Variants in PTPN2 observed in about 807,000 individuals in gnomAD.
PTPN2 encodes tyrosine-protein phosphatase non-receptor type 2.
Under a neutral mutation model 57.3 loss-of-function variants are expected in PTPN2, and 19 were observed. That is an observed-to-expected ratio of 0.33 (90% confidence interval 0.23 to 0.49). The LOEUF (loss-of-function observed/expected upper bound fraction) is 0.49. Ranked by LOEUF, PTPN2 falls within the 20% of genes least tolerant of loss-of-function variation. The pLI, the probability that PTPN2 is intolerant of heterozygous loss-of-function variation, is 0.99. For missense variants in PTPN2, 358 were observed against 501.1 expected (o/e 0.71, Z 2.73); for synonymous variants, 153 against 164.9 (o/e 0.93, Z 0.55).
intron 1 of PTPN2, among the ~76,000 whole-genome samples, chr18:12,870,435 ATATG>A (rs749724224): frequency 0.1 from 3,466 of 34,580 alleles, 198 homozygotes; most frequent in East Asian, 0.19. Context: ...ACGTATATAT[ATATG>A]TGTATATATA....
At chr18:12,823,179 C>A (rs2042330633) in intron 5 of PTPN2, among the ~76,000 whole-genome samples, 1 of 152,106 alleles carries the variant, frequency 6.6e-6, no homozygotes, top group Non-Finnish European at 1.5e-5. Context: ...CAAATTCTTG[C>A]TATTATATTG....
intron 2 of PTPN2, among the ~76,000 whole-genome samples, chr18:12,837,206 A>G (rs1050045482): frequency 2.0e-5 from 3 of 152,178 alleles, no homozygotes; most frequent in African/African-American, 7.2e-5. Flanking sequence ...AAGTAAAAGG[A>G]TCATTCAGAT....
intron 1 of PTPN2, among the ~76,000 whole-genome samples, chr18:12,881,257 A>C (rs1447452976): frequency 1.3e-5 from 2 of 152,148 alleles, no homozygotes; most frequent in Admixed American, 6.5e-5. Context: ...CAACATGTCG[A>C]AACCCTGTCT....
At chr18:12,873,621 G>A (rs1453028137) in intron 1 of PTPN2, among the ~76,000 whole-genome samples, 3 of 152,174 alleles carry the variant, frequency 2.0e-5, no homozygotes, top group Non-Finnish European at 4.4e-5. Flanking sequence ...GTGCAGTGGC[G>A]TGATCTCGGC....
At position 12,884,197 on chromosome 18, in the gene PTPN2, C is replaced by T. The variant is rs2044783885; in HGVS notation, c.-56G>A. The stretch of plus-strand genomic sequence containing the variant: ...CCTGCGCCGGCGGAGAGGCTCAGGC[C>T]CCGCACGATCCGGGGAGAGCGCTGG... On this transcript the variant is annotated 5_prime_UTR_variant, in exon 1 of 9. Transcript: ENST00000309660. The T allele has an allele frequency of 5.0e-6, 7 of 1,412,416 alleles. No individual in the cohort carries two copies. Among genetic ancestry groups the T allele is most frequent in the Non-Finnish European group, 6.7e-6 (7 of 1,044,736 alleles). The allele number at this position is 1,412,416 out of a possible 1,614,324, so 87.5% of individuals were successfully genotyped here.
intron 4 of PTPN2, 128 bp from the exon 5 acceptor site, chr18:12,826,072 C>A: frequency 2.8e-6 from 2 of 716,124 alleles, no homozygotes; most frequent in Non-Finnish European, 2.3e-6. Flanking sequence ...ACTAAGAAGT[C>A]ACTACTATAT....
intron 4 of PTPN2, among the ~76,000 whole-genome samples, chr18:12,827,356 A>T (rs987259964): frequency 5.8e-5 from 7 of 120,574 alleles, no homozygotes; most frequent in East Asian, 2.2e-4. Flanking sequence ...AAAAAAAAAA[A>T]ATAATAATAA....
intron 7 of PTPN2, among the ~76,000 whole-genome samples, chr18:12,809,714 GTTT>G (rs1425915263): frequency 6.6e-6 from 1 of 152,152 alleles, no homozygotes; most frequent in Non-Finnish European, 1.5e-5. Context: ...GCAACTTAAA[GTTT>G]TTTAGAACTT....
rs146196938 is a variant in PTPN2 at position 12,835,812 on chromosome 18, T to C, written c.261+979A>G. On this transcript the variant is annotated intron_variant, in intron 3 of 8. Coordinates refer to ENST00000309660, the MANE Select transcript of PTPN2 (RefSeq NM_002828.4). ...GGTGAAAGGCCCATTCCCTGGTTAC[T>C]GAATGGAGCATTTCTTCATGTGCAA... Among the ~76,000 whole-genome samples, 88 of 152,316 alleles carry C rather than the reference T, an allele frequency of 5.8e-4. No individual in the cohort carries two copies. The East Asian group carries it at 0.016, about 28-fold the overall frequency.
chr18:12,792,073 CAT>C (rs2145209761), downstream of PTPN2: 1 of 310,712 alleles, frequency 3.2e-6, no homozygotes, highest in East Asian at 1.7e-4. Flanking sequence ...TGCAGACAGA[CAT>C]AAAAAAATGT....
chr18:12,854,424 T>C (rs1319881494), intron 2 of PTPN2, among the ~76,000 whole-genome samples: 1 of 150,162 alleles, frequency 6.7e-6, no homozygotes, highest in African/African-American at 2.5e-5. Context: ...GAAATTAGTA[T>C]TAGTGACGTG....
At chr18:12,871,817 G>A (rs888194799) in intron 1 of PTPN2, among the ~76,000 whole-genome samples, 1 of 152,070 alleles carries the variant, frequency 6.6e-6, no homozygotes, top group Non-Finnish European at 1.5e-5. Flanking sequence ...TCTCTGAGAG[G>A]TGGGCTGATC....
intron 1 of PTPN2, among the ~76,000 whole-genome samples, chr18:12,878,588 T>C (rs1411206652): frequency 6.6e-6 from 1 of 151,682 alleles, no homozygotes; most frequent in East Asian, 2.0e-4. Flanking sequence ...TAGAACTGCT[T>C]GAACCTGGGG....
intron 4 of PTPN2, among the ~76,000 whole-genome samples, chr18:12,826,449 T>C (rs1376755414): frequency 6.6e-6 from 1 of 152,228 alleles, no homozygotes; most frequent in Non-Finnish European, 1.5e-5. Context: ...GCATTTTTTA[T>C]GTGTGTGCAG....
intron 1 of PTPN2, 98 bp downstream of exon 1, chr18:12,883,975 G>A (rs1434608548): frequency 2.7e-6 from 3 of 1,118,998 alleles, no homozygotes; most frequent in African/African-American, 1.6e-5. Flanking sequence ...CGAGAGGCTA[G>A]AGGCGAGAGG....
intron 1 of PTPN2, among the ~76,000 whole-genome samples, chr18:12,868,097 A>T (rs1253860916): frequency 6.6e-6 from 1 of 152,248 alleles, no homozygotes; most frequent in African/African-American, 2.4e-5. Context: ...TCTAGTGTGA[A>T]GTAATCACAA....
At chr18:12,850,274 T>C (rs1165533657) in intron 2 of PTPN2, among the ~76,000 whole-genome samples, 2 of 152,240 alleles carry the variant, frequency 1.3e-5, no homozygotes, top group East Asian at 3.9e-4. Context: ...GCAGATCACT[T>C]AAGGTCAGGA....
At chr18:12,824,831 A>T (rs935579318) in intron 5 of PTPN2, among the ~76,000 whole-genome samples, 2 of 152,182 alleles carry the variant, frequency 1.3e-5, no homozygotes, top group African/African-American at 4.8e-5. Context: ...CATGACTGTA[A>T]CCTCAACACT....
chr18:12,878,857 G>C (rs77852086), intron 1 of PTPN2, among the ~76,000 whole-genome samples: 1 of 152,072 alleles, frequency 6.6e-6, no homozygotes, highest in Non-Finnish European at 1.5e-5. Flanking sequence ...CTTTAAAAAA[G>C]AAAGGAATTT....
Sources: allele counts gnomAD v4.1 joint callset (sites outside exome capture counted in the v4.1 genomes callset), GRCh38; gene constraint gnomAD v4.1.1; transcripts MANE v1.5; gene names NCBI Gene and HGNC (gene_info 2026-07-23, HGNC 2026-07-21).